C1QTNF3: variants seen among roughly 807,000 people sequenced by gnomAD.
C1QTNF3 encodes complement C1q tumor necrosis factor-related protein 3.
C1QTNF3 carries 26 observed loss-of-function variants against 32.6 expected under a neutral mutation model. The ratio of observed to expected loss-of-function variants is 0.80; its 90% CI spans 0.58 to 1.11. The LOEUF (loss-of-function observed/expected upper bound fraction) is 1.11, where lower values mean the gene tolerates loss of function less well. Ranked by LOEUF, C1QTNF3 falls within the 50% of genes least tolerant of loss-of-function variation. The pLI, the probability that C1QTNF3 is intolerant of heterozygous loss-of-function variation, is 0.00. For synonymous variants in C1QTNF3, 155 were observed against 146.0 expected (o/e 1.06, Z -0.44); for missense variants, 362 against 398.2 (o/e 0.91, Z 0.77).
chr5:34,232,323 A>T, the C1QTNF3 span, among the ~76,000 whole-genome samples: 7 of 151,968 alleles, frequency 4.6e-5, no homozygotes, highest in African/African-American at 9.7e-5. Flanking sequence ...CTTTTGAGTT[A>T]ATGCTGGAAT....
chr5:34,221,948 A>G, the C1QTNF3 span, among the ~76,000 whole-genome samples: 6 of 152,068 alleles, frequency 3.9e-5, no homozygotes, highest in Non-Finnish European at 5.9e-5. Context: ...GGGCTGAGGA[A>G]TAGCAGCAGT....
chr5:34,243,358 T>C, the C1QTNF3 span, among the ~76,000 whole-genome samples: 3 of 152,338 alleles, frequency 2.0e-5, no homozygotes, highest in Middle Eastern at 3.4e-3. Context: ...TACACTACTG[T>C]TGGTGGAAAT....
At chr5:34,070,490 T>C in the C1QTNF3 span, among the ~76,000 whole-genome samples, 3 of 152,210 alleles carry the variant, frequency 2.0e-5, no homozygotes, top group African/African-American at 7.2e-5. Flanking sequence ...TATTAAATTG[T>C]CTGAATAACT....
At chr5:34,203,257 AAAC>A in the C1QTNF3 span, among the ~76,000 whole-genome samples, 24 of 152,372 alleles carry the variant, frequency 1.6e-4, 1 homozygote, top group Non-Finnish European at 7.3e-5. Flanking sequence ...GAAAAACAAA[AAAC>A]AACAACAAAA....
At chr5:34,100,286 C>G in the C1QTNF3 span, among the ~76,000 whole-genome samples, 3 of 151,942 alleles carry the variant, frequency 2.0e-5, no homozygotes, top group African/African-American at 7.2e-5. Flanking sequence ...GAAGTTCTAA[C>G]GACCCAATCA....
chr5:34,166,709 C>T, the C1QTNF3 span: 1 of 152,074 alleles, frequency 6.6e-6, no homozygotes, highest in Non-Finnish European at 1.5e-5. Flanking sequence ...TATGATTTTT[C>T]CATCATGCTT....
At chr5:34,067,178 G>T in the C1QTNF3 span, among the ~76,000 whole-genome samples, 3 of 152,082 alleles carry the variant, frequency 2.0e-5, no homozygotes, top group African/African-American at 7.2e-5. Context: ...AGCAGTTTGG[G>T]GCAAAGCCAT....
chr5:34,223,530 T>C, the C1QTNF3 span, among the ~76,000 whole-genome samples: 2 of 151,706 alleles, frequency 1.3e-5, no homozygotes, highest in African/African-American at 2.4e-5. Context: ...TTTGGGTATA[T>C]ACCCAGTAAT....
At chr5:34,131,188 T>C in the C1QTNF3 span, among the ~76,000 whole-genome samples, 1 of 152,162 alleles carries the variant, frequency 6.6e-6, no homozygotes. Context: ...AGTGGCTCCC[T>C]TATGGAATCA....
chr5:34,033,236 C>T, intron 3 of C1QTNF3, 68 bp downstream of exon 3: 1 of 1,554,880 alleles, frequency 6.4e-7, no homozygotes, highest in African/African-American at 1.4e-5. Context: ...CTCGAACATC[C>T]TGATTCCTGG....
At chr5:34,031,570 C>T (rs1326464031) in intron 3 of C1QTNF3, among the ~76,000 whole-genome samples, 1 of 152,184 alleles carries the variant, frequency 6.6e-6, no homozygotes, top group Admixed American at 6.6e-5. Context: ...CAGTGGCTCA[C>T]ACCTGTAATC....
the C1QTNF3 span, among the ~76,000 whole-genome samples, chr5:34,172,400 A>T: frequency 6.8e-6 from 1 of 147,394 alleles, no homozygotes; most frequent in South Asian, 2.3e-4. Flanking sequence ...AATGCTGGTT[A>T]ACTGAAACCA....
At chr5:34,108,449 T>C in the C1QTNF3 span, among the ~76,000 whole-genome samples, 5 of 152,306 alleles carry the variant, frequency 3.3e-5, no homozygotes, top group South Asian at 1.0e-3. Flanking sequence ...CAGAATAGCA[T>C]GGTTCTTAAA....
chr5:34,119,252 C>A, the C1QTNF3 span, among the ~76,000 whole-genome samples: 73 of 152,132 alleles, frequency 4.8e-4, no homozygotes, highest in Non-Finnish European at 8.5e-4. Flanking sequence ...TCTTAATCTA[C>A]CTCATAGTGC....
At chr5:34,051,792 A>G in the C1QTNF3 span, among the ~76,000 whole-genome samples, 1 of 152,192 alleles carries the variant, frequency 6.6e-6, no homozygotes, top group Admixed American at 6.5e-5. Context: ...GTTCTGGCCA[A>G]TGGGTGTGGG....
At chr5:34,043,332 C>A, upstream of C1QTNF3, 1 of 581,706 alleles carries the variant, frequency 1.7e-6, no homozygotes. Flanking sequence ...ATCATTTTCC[C>A]ACACCACAAG....
At chr5:34,178,169 T>A in the C1QTNF3 span, among the ~76,000 whole-genome samples, 3 of 143,764 alleles carry the variant, frequency 2.1e-5, no homozygotes, top group African/African-American at 7.8e-5. Flanking sequence ...TAATCCAAGC[T>A]ACTTGGGAGG....
chr5:34,048,123 T>C (rs1011768108), upstream of C1QTNF3, among the ~76,000 whole-genome samples: 22 of 152,192 alleles, frequency 1.4e-4, no homozygotes, highest in African/African-American at 5.3e-4. Flanking sequence ...CATCTTAATG[T>C]ATTCATTTAT....
At chr5:34,035,265 C>T (rs923915406) in intron 2 of C1QTNF3, among the ~76,000 whole-genome samples, 5 of 152,182 alleles carry the variant, frequency 3.3e-5, no homozygotes, top group Non-Finnish European at 7.4e-5. Context: ...TGAGAGTCAA[C>T]TGAGAGACGG....
Sources: allele counts gnomAD v4.1 joint callset (sites outside exome capture counted in the v4.1 genomes callset), GRCh38; gene constraint gnomAD v4.1.1; transcripts MANE v1.5; gene names NCBI Gene and HGNC (gene_info 2026-07-23, HGNC 2026-07-21).